OSBPL1A: variants seen among roughly 807,000 people sequenced by gnomAD.
OSBPL1A encodes oxysterol binding protein like 1A, also known as oxysterol-binding protein-related protein 1.
In OSBPL1A, 80 loss-of-function variants were observed where a neutral mutation model predicts 137.1. The ratio of observed to expected loss-of-function variants is 0.58; its 90% CI spans 0.49 to 0.70. The LOEUF (loss-of-function observed/expected upper bound fraction) is 0.70, where lower values mean the gene tolerates loss of function less well. OSBPL1A is among the 30% of genes least tolerant of loss of function. OSBPL1A has a pLI of 0.00. For synonymous variants in OSBPL1A, 365 were observed against 389.7 expected (o/e 0.94, Z 0.75); for missense variants, 970 against 1,129.4 (o/e 0.86, Z 2.02).
intron 14 of OSBPL1A, among the ~76,000 whole-genome samples, chr18:24,293,264 G>A (rs1157106894): frequency 6.6e-6 from 1 of 152,184 alleles, no homozygotes; most frequent in East Asian, 1.9e-4. Context: ...GGGGGAAAGG[G>A]GAGAGGACAG....
intron 18 of OSBPL1A, among the ~76,000 whole-genome samples, chr18:24,185,401 C>T (rs956930652): frequency 6.6e-6 from 1 of 151,164 alleles, no homozygotes; most frequent in African/African-American, 2.4e-5. Context: ...CTCACTGCAA[C>T]CTCCGCCTCC....
chr18:24,166,890 C>CA (rs1161254193), intron 25 of OSBPL1A, among the ~76,000 whole-genome samples, 188 bp from the exon 26 acceptor site: 1 of 152,062 alleles, frequency 6.6e-6, no homozygotes, highest in Non-Finnish European at 1.5e-5. Flanking sequence ...GGGTATCTCT[C>CA]AAAAAAATCT....
intron 15 of OSBPL1A, among the ~76,000 whole-genome samples, chr18:24,242,126 G>C (rs1251559199): frequency 5.3e-5 from 8 of 151,584 alleles, no homozygotes; most frequent in South Asian, 2.1e-4. Flanking sequence ...GGGCCTGTTG[G>C]GGGGTGGGGG....
intron 18 of OSBPL1A, among the ~76,000 whole-genome samples, chr18:24,183,683 G>T (rs1337273794): frequency 6.6e-6 from 1 of 151,872 alleles, no homozygotes; most frequent in African/African-American, 2.4e-5. Context: ...TGATCCACCC[G>T]CCTCAGCCTC....
chr18:24,317,632 TAC>T (rs1221906420), intron 9 of OSBPL1A, among the ~76,000 whole-genome samples: 1 of 152,234 alleles, frequency 6.6e-6, no homozygotes, highest in Non-Finnish European at 1.5e-5. Flanking sequence ...CAATGATGAT[TAC>T]AGTTTATGGT....
At chr18:24,239,772 A>C (rs2088625149) in intron 15 of OSBPL1A, among the ~76,000 whole-genome samples, 2 of 152,160 alleles carry the variant, frequency 1.3e-5, no homozygotes, top group African/African-American at 4.8e-5. Flanking sequence ...AAAAATTTTA[A>C]AAAAATTCTA....
chr18:24,395,443 C>T (rs1907666882), intron 1 of OSBPL1A, among the ~76,000 whole-genome samples: 1 of 152,052 alleles, frequency 6.6e-6, no homozygotes, highest in Non-Finnish European at 1.5e-5. Context: ...ATCAGATATA[C>T]AGATGTATCT....
intron 21 of OSBPL1A, among the ~76,000 whole-genome samples, chr18:24,175,133 T>TATATATATATAC (rs1358434605): frequency 8.2e-6 from 1 of 122,666 alleles, no homozygotes; most frequent in Admixed American, 8.0e-5. Context: ...TATATATATA[T>TATATATATATAC]ATACACATAT....
intron 16 of OSBPL1A, among the ~76,000 whole-genome samples, chr18:24,229,549 C>T (rs977394235): frequency 5.3e-5 from 8 of 152,168 alleles, no homozygotes; most frequent in Non-Finnish European, 2.9e-5. Flanking sequence ...ATCGCTAGTA[C>T]AGCATCGTTT....
intron 14 of OSBPL1A, among the ~76,000 whole-genome samples, chr18:24,299,518 A>G (rs1220074650): frequency 6.6e-6 from 1 of 152,196 alleles, no homozygotes; most frequent in Non-Finnish European, 1.5e-5. Flanking sequence ...ATACAAAAAA[A>G]AAGTTTTCTG....
intron 4 of OSBPL1A, among the ~76,000 whole-genome samples, chr18:24,363,789 A>G (rs971907746): frequency 6.6e-6 from 1 of 151,410 alleles, no homozygotes; most frequent in Non-Finnish European, 1.5e-5. Flanking sequence ...CTACAGATGC[A>G]CACCACCACA....
intron 1 of OSBPL1A, among the ~76,000 whole-genome samples, chr18:24,392,981 C>T (rs1193073079): frequency 5.9e-5 from 9 of 152,196 alleles, no homozygotes; most frequent in African/African-American, 1.4e-4. Context: ...TGAGCCACCT[C>T]GCCCAGCCTG....
At chr18:24,332,012 C>A (rs1004934983) in intron 7 of OSBPL1A, among the ~76,000 whole-genome samples, 1 of 151,962 alleles carries the variant, frequency 6.6e-6, no homozygotes, top group Non-Finnish European at 1.5e-5. Context: ...AACAAATGTC[C>A]TCGTCATGGT....
chr18:24,167,323 TC>T lies in OSBPL1A; in HGVS notation c.2535+5del. The T allele has an allele frequency of 1.2e-6, 2 of 1,608,784 alleles. No individual in the cohort carries two copies. The highest frequency in any genetic ancestry group is 1.7e-6 in the Non-Finnish European group (2 of 1,175,086). Reference sequence around the variant, plus strand: ...GTGAGGCCACAGCCAGCAAGCCCAGTCTCACCTGGGCAGAATTTGGAGGCCG... The same window carrying T: ...GTGAGGCCACAGCCAGCAAGCCCAGTTCACCTGGGCAGAATTTGGAGGCCG... On this transcript the variant is annotated splice_donor_5th_base_variant and intron_variant, in intron 25 of 27. Coordinates refer to ENST00000319481, the MANE Select transcript of OSBPL1A (RefSeq NM_080597.4).
At chr18:24,355,675 G>C (rs369157530) in intron 4 of OSBPL1A, among the ~76,000 whole-genome samples, 2 of 152,010 alleles carry the variant, frequency 1.3e-5, no homozygotes, top group African/African-American at 2.4e-5. Flanking sequence ...AGGCAGAAGA[G>C]AGTCACCCCA....
At chr18:24,321,702 T>A in intron 7 of OSBPL1A, 1 of 524,330 alleles carries the variant, frequency 1.9e-6, no homozygotes, top group Non-Finnish European at 3.9e-6. Context: ...TTTCCAGTTC[T>A]TCCCAGAATT....
chr18:24,373,471 C>T (rs73394401), intron 2 of OSBPL1A, among the ~76,000 whole-genome samples: 2,991 of 152,258 alleles, frequency 0.02, 101 homozygotes, highest in African/African-American at 0.069. Context: ...GAATGACTCA[C>T]ACAAGCAAGA....
intron 7 of OSBPL1A, among the ~76,000 whole-genome samples, chr18:24,330,072 T>C (rs544814954): frequency 2.0e-5 from 3 of 152,310 alleles, no homozygotes; most frequent in South Asian, 4.1e-4. Context: ...GGCTTTTTGG[T>C]ACTGAATATG....
intron 17 of OSBPL1A, among the ~76,000 whole-genome samples, chr18:24,211,583 T>A (rs563689489): frequency 6.6e-6 from 1 of 152,194 alleles, no homozygotes; most frequent in African/African-American, 2.4e-5. Flanking sequence ...AATCTCTACT[T>A]TCTAGAACCA....
Sources: gnomAD v4.1 joint callset for allele counts (sites outside exome capture counted in the v4.1 genomes callset) on GRCh38, gnomAD v4.1.1 for gene constraint, MANE v1.5 for transcripts, NCBI Gene and HGNC (gene_info 2026-07-23, HGNC 2026-07-21) for gene names.